The following RASA2 variants were observed in gnomAD, a reference collection of about 807,000 sequenced individuals.
The protein encoded by RASA2 is RAS p21 protein activator 2.
In RASA2, 155 loss-of-function variants were observed where a neutral mutation model predicts 118.2. The observed-to-expected ratio is 1.31, with a 90% CI of 1.15 to 1.50. The LOEUF (loss-of-function observed/expected upper bound fraction) is 1.50, where lower values mean the gene tolerates loss of function less well. Among genes scored for constraint, RASA2 ranks in the 40% most tolerant of loss-of-function variants. The pLI is 0.00. For missense variants in RASA2, 1,016 were observed against 1,009.6 expected, an observed-to-expected ratio of 1.01 and a Z score of -0.09; for synonymous variants, 353 against 349.1, an observed-to-expected ratio of 1.01 and a Z score of -0.12.
intron 6 of RASA2, among the ~76,000 whole-genome samples, chr3:141,555,442 GC>G (rs2082634831): frequency 1.3e-5 from 2 of 151,982 alleles, no homozygotes; most frequent in South Asian, 4.2e-4. Context: ...TATACCTGAA[GC>G]CCAAGAAGTA....
intron 9 of RASA2, among the ~76,000 whole-genome samples, chr3:141,562,887 G>A (rs1362126805): frequency 6.6e-6 from 1 of 152,002 alleles, no homozygotes; most frequent in African/African-American, 2.4e-5. Context: ...TCACCAGGCT[G>A]GTCTTGATCT....
At chr3:141,523,938 T>A (rs752101739) in intron 3 of RASA2, among the ~76,000 whole-genome samples, 2 of 152,180 alleles carry the variant, frequency 1.3e-5, no homozygotes, top group Non-Finnish European at 2.9e-5. Context: ...ACACTTTGAA[T>A]TGTAATTTCT....
intron 3 of RASA2, among the ~76,000 whole-genome samples, chr3:141,516,672 G>T (rs2082031449): frequency 6.6e-6 from 1 of 152,040 alleles, no homozygotes; most frequent in Non-Finnish European, 1.5e-5. Context: ...TATAATTCCT[G>T]ATGGTTCCCT....
At chr3:141,497,432 T>C (rs1444321489) in intron 1 of RASA2, among the ~76,000 whole-genome samples, 2 of 152,142 alleles carry the variant, frequency 1.3e-5, no homozygotes, top group African/African-American at 4.8e-5. Context: ...ATGAACTTGA[T>C]ACAGTATTAA....
At chr3:141,573,900 T>C in intron 13 of RASA2, 44 bp from the exon 14 acceptor site, 1 of 1,530,360 alleles carries the variant, frequency 6.5e-7, no homozygotes, top group Admixed American at 1.9e-5. Context: ...ATTGAAGATG[T>C]GTGAACATCA....
rs529362807 is a variant in RASA2 at position 141,529,002 on chromosome 3, G to A, written c.356-706G>A. Among the ~76,000 whole-genome samples the A allele has an allele frequency of 5.9e-5, 9 of 152,016 alleles. No homozygotes were observed. The South Asian group carries it at 1.7e-3, about 28-fold the overall frequency. On this transcript the variant is annotated intron_variant, in intron 3 of 23. Transcript: ENST00000286364. ...CTTGAATTGAGGAAGGAAATGCTTT[G>A]TACCAAGATGGCAAATATTTTATTA... is the stretch of plus-strand genomic sequence containing the variant.
intron 19 of RASA2, chr3:141,600,483 C>T: frequency 3.1e-6 from 1 of 325,694 alleles, no homozygotes; most frequent in South Asian, 2.7e-5. Context: ...GCTCGGCGAC[C>T]TACTTGGTCA....
intron 1 of RASA2, among the ~76,000 whole-genome samples, chr3:141,494,287 G>T (rs2081673071): frequency 6.6e-6 from 1 of 152,242 alleles, no homozygotes; most frequent in Non-Finnish European, 1.5e-5. Context: ...AGCAATGTAT[G>T]ACTGCCTATT....
chr3:141,565,245 A>G (rs2082800636), intron 9 of RASA2, among the ~76,000 whole-genome samples: 1 of 152,190 alleles, frequency 6.6e-6, no homozygotes, highest in Non-Finnish European at 1.5e-5. Flanking sequence ...TTGGCCTCCC[A>G]AAGTGCTGGG....
intron 19 of RASA2, among the ~76,000 whole-genome samples, chr3:141,588,967 G>A (rs1028245501): frequency 5.9e-5 from 9 of 151,524 alleles, no homozygotes; most frequent in African/African-American, 2.2e-4. Context: ...TCAGCCTCCC[G>A]AGTAGCTGGG....
intron 19 of RASA2, among the ~76,000 whole-genome samples, chr3:141,588,488 G>A (rs2083240600): frequency 1.3e-5 from 2 of 152,282 alleles, no homozygotes; most frequent in South Asian, 4.1e-4. Flanking sequence ...TGGAGAGTCT[G>A]TTAATCTATC....
chr3:141,554,782 T>C (rs2082623929), intron 6 of RASA2, among the ~76,000 whole-genome samples: 1 of 152,230 alleles, frequency 6.6e-6, no homozygotes, highest in African/African-American at 2.4e-5. Context: ...TATTAGGTGC[T>C]CAAACAATAG....
intron 1 of RASA2, among the ~76,000 whole-genome samples, chr3:141,498,946 G>C (rs2081740419): frequency 6.6e-6 from 1 of 152,162 alleles, no homozygotes; most frequent in Admixed American, 6.5e-5. Context: ...GGAGCTTGTA[G>C]ATCAGCACAC....
At chr3:141,584,750 C>A (rs1185369105) in intron 17 of RASA2, among the ~76,000 whole-genome samples, 2 of 152,118 alleles carry the variant, frequency 1.3e-5, no homozygotes, top group Non-Finnish European at 2.9e-5. Context: ...CTAAATGTAA[C>A]CCTAATTGTT....
At chr3:141,516,495 G>C in intron 3 of RASA2, 64 bp downstream of exon 3, 2 of 1,206,198 alleles carry the variant, frequency 1.7e-6, no homozygotes, top group Non-Finnish European at 2.1e-6. Flanking sequence ...CGTTCTCTTA[G>C]TATAGTTTTG....
chr3:141,533,730 A>G (rs929555459), intron 4 of RASA2, among the ~76,000 whole-genome samples: 2 of 151,654 alleles, frequency 1.3e-5, no homozygotes, highest in Admixed American at 6.6e-5. Context: ...TCATGAGTGT[A>G]TTTTTCTACT....
chr3:141,593,653 C>T (rs1429562667), intron 19 of RASA2, among the ~76,000 whole-genome samples: 1 of 152,088 alleles, frequency 6.6e-6, no homozygotes, highest in South Asian at 2.1e-4. Flanking sequence ...TTTCTGTCCG[C>T]CTCAAAGGAG....
At chr3:141,571,769 T>TA (rs1481374719) in intron 11 of RASA2, among the ~76,000 whole-genome samples, 2 of 152,262 alleles carry the variant, frequency 1.3e-5, no homozygotes, top group East Asian at 3.9e-4. Flanking sequence ...TGTTTTTCTT[T>TA]AACTCAGGAA....
At position 141,550,991 on chromosome 3, in the gene RASA2, A is replaced by G. The variant is rs74362609; in HGVS notation, c.528-2866A>G. On this transcript the variant is annotated intron_variant, in intron 5 of 23. Transcript: ENST00000286364. ...TGTCTTCTGTGTCTGGATGGATCAT[A>G]TGGAATATAATTATAACTTTTAAAT... Among the ~76,000 whole-genome samples, 307 of 152,314 alleles carry G rather than the reference A, an allele frequency of 2.0e-3. 1 individual carries two copies. The highest frequency in any genetic ancestry group is 6.8e-3 in the Middle Eastern group (2 of 294).
Sources: allele counts gnomAD v4.1 joint callset (sites outside exome capture counted in the v4.1 genomes callset), GRCh38; gene constraint gnomAD v4.1.1; transcripts MANE v1.5; gene names NCBI Gene and HGNC (gene_info 2026-07-23, HGNC 2026-07-21).